OLFM3: variants seen among roughly 807,000 people sequenced by gnomAD.
The protein encoded by OLFM3 is olfactomedin 3.
OLFM3 carries 20 observed loss-of-function variants against 48.6 expected under a neutral mutation model. The observed-to-expected ratio is 0.41, with a 90% CI of 0.29 to 0.60. The LOEUF (loss-of-function observed/expected upper bound fraction) is 0.60, where lower values mean the gene tolerates loss of function less well. OLFM3 is among the 20% of genes least tolerant of loss of function. The pLI is 0.28. For synonymous variants in OLFM3, 222 were observed against 198.1 expected, an observed-to-expected ratio of 1.12 and a Z score of -1.01; for missense variants, 437 against 544.3, an observed-to-expected ratio of 0.80 and a Z score of 1.96.
chr1:101,901,456 G>A (rs527770243), intron 1 of OLFM3, among the ~76,000 whole-genome samples: 136 of 152,158 alleles, frequency 8.9e-4, no homozygotes, highest in Admixed American at 2.1e-3. Context: ...ATTTAGAGCT[G>A]GAACGGTGAT....
At chr1:101,966,444 A>AT (rs1660612308) in intron 1 of OLFM3, among the ~76,000 whole-genome samples, 1 of 152,062 alleles carries the variant, frequency 6.6e-6, no homozygotes, top group Non-Finnish European at 1.5e-5. Context: ...AAGGGCTGGG[A>AT]TTACAGGCGT....
intron 1 of OLFM3, among the ~76,000 whole-genome samples, chr1:101,875,638 T>C (rs1464942736): frequency 6.8e-6 from 1 of 147,038 alleles, no homozygotes; most frequent in Non-Finnish European, 1.5e-5. Flanking sequence ...AGTGGTTATC[T>C]ACAGTCCCTA....
At chr1:101,959,576 AT>A (rs751121367) in intron 1 of OLFM3, among the ~76,000 whole-genome samples, 3 of 152,162 alleles carry the variant, frequency 2.0e-5, no homozygotes, top group Non-Finnish European at 4.4e-5. Context: ...AATGCAGAAA[AT>A]TAGTCTTAGA....
intron 1 of OLFM3, among the ~76,000 whole-genome samples, chr1:101,958,206 T>A (rs1660356163): frequency 6.6e-6 from 1 of 152,134 alleles, no homozygotes; most frequent in East Asian, 1.9e-4. Context: ...TTGAATTACA[T>A]ATTAATTGTG....
At chr1:101,904,631 A>C (rs1318286873) in intron 1 of OLFM3, among the ~76,000 whole-genome samples, 1 of 152,108 alleles carries the variant, frequency 6.6e-6, no homozygotes, top group Non-Finnish European at 1.5e-5. Context: ...TGTGAACAGA[A>C]TTGCAAAAAG....
chr1:101,995,469 C>A (rs1323300171), intron 1 of OLFM3, among the ~76,000 whole-genome samples: 1 of 151,880 alleles, frequency 6.6e-6, no homozygotes, highest in African/African-American at 2.4e-5. Context: ...CAGAGTGAAG[C>A]GTTTACATCA....
At chr1:101,880,056 T>C (rs563191083) in intron 1 of OLFM3, among the ~76,000 whole-genome samples, 1 of 152,052 alleles carries the variant, frequency 6.6e-6, no homozygotes, top group East Asian at 1.9e-4. Context: ...TTAATAATTA[T>C]GTCTAGACAT....
intron 1 of OLFM3, among the ~76,000 whole-genome samples, chr1:101,976,219 C>T (rs1334044329): frequency 3.9e-5 from 6 of 152,136 alleles, no homozygotes; most frequent in African/African-American, 9.7e-5. Flanking sequence ...GACTGAGCTT[C>T]GCTCTGTCTG....
At chr1:101,853,099 C>T (rs1010504074) in intron 1 of OLFM3, among the ~76,000 whole-genome samples, 2 of 152,044 alleles carry the variant, frequency 1.3e-5, no homozygotes, top group African/African-American at 4.8e-5. Flanking sequence ...CCATCTTTCT[C>T]ATGGTGAAGG....
At chr1:101,924,915 A>C (rs1391361085) in intron 1 of OLFM3, among the ~76,000 whole-genome samples, 1 of 152,206 alleles carries the variant, frequency 6.6e-6, no homozygotes, top group African/African-American at 2.4e-5. Context: ...AGAATGTTGA[A>C]GGCAATTTGT....
rs71592233 is a variant in OLFM3, at chr1:101,967,590, G to GAAAAAAAAAAAAAAAAAAAAAAAA, written c.69+29134_69+29157dup. ...CCTTTTTACTTCCATCCTAGTCAGT[G>GAAAAAAAAAAAAAAAAAAAAAAAA]AAAAAAAAAAAAAAAAAAAAAAAAG... On this transcript the variant is annotated intron_variant, in intron 1 of 5. Coordinates refer to ENST00000370103, the MANE Select transcript of OLFM3 (RefSeq NM_058170.4). Among the ~76,000 whole-genome samples the GAAAAAAAAAAAAAAAAAAAAAAAA allele has an allele frequency of 4.0e-4, 18 of 44,582 alleles. 2 individuals carry two copies. Among genetic ancestry groups the GAAAAAAAAAAAAAAAAAAAAAAAA allele is most frequent in the African/African-American group, 7.6e-4 (7 of 9,242 alleles). The allele number at this position is 44,582 out of a possible 152,430, so 29.2% of individuals were successfully genotyped here.
intron 1 of OLFM3, among the ~76,000 whole-genome samples, chr1:101,909,707 T>C (rs1025175313): frequency 6.6e-6 from 1 of 152,236 alleles, no homozygotes; most frequent in Non-Finnish European, 1.5e-5. Context: ...GTCATATGTC[T>C]CAATTATATT....
chr1:101,826,129 AAC>A (rs66617960), intron 3 of OLFM3, among the ~76,000 whole-genome samples: 39,551 of 132,570 alleles, frequency 0.3, 5,925 homozygotes, highest in Middle Eastern at 0.37. Flanking sequence ...ACTTTCGTCA[AAC>A]ACACACACAC....
chr1:101,826,781 G>A (rs1004718129), intron 3 of OLFM3, among the ~76,000 whole-genome samples: 6 of 152,074 alleles, frequency 3.9e-5, no homozygotes, highest in Non-Finnish European at 8.8e-5. Context: ...TATCCCTAAA[G>A]GAATACACAA....
chr1:101,969,965 C>T (rs191803523), intron 1 of OLFM3, among the ~76,000 whole-genome samples: 1 of 152,190 alleles, frequency 6.6e-6, no homozygotes, highest in Non-Finnish European at 1.5e-5. Flanking sequence ...ACAGGAGTTT[C>T]CCCTAGGTCC....
At chr1:101,954,660 T>G (rs937467363) in intron 1 of OLFM3, among the ~76,000 whole-genome samples, 2 of 152,098 alleles carry the variant, frequency 1.3e-5, no homozygotes, top group African/African-American at 4.8e-5. Context: ...TAAAGTAAAT[T>G]AAAAGGCAAA....
Position 101,806,005 on chromosome 1 carries a change from G to C in OLFM3, c.699+71C>G, listed in dbSNP as rs116607668. 1.3e-3 allele frequency: 1,452 copies of C among 1,097,348 alleles called. 19 individuals are homozygous for C. The African/African-American group carries it at 0.02, about 15-fold the overall frequency. The allele number at this position is 1,097,348 out of a possible 1,614,324, so 68.0% of individuals were successfully genotyped here. A position where few individuals can be genotyped will look rare whatever the true frequency, so the allele number is the denominator to read the frequency against. ...ACAAACAAATATCCCTGAAGAAAAT[G>C]AATAGTCCAGAAGAGAAAAAGTGTA... On this transcript the variant is annotated intron_variant, in intron 5 of 5. Transcript: ENST00000370103.
At chr1:101,950,097 T>C (rs187244745) in intron 1 of OLFM3, among the ~76,000 whole-genome samples, 25 of 151,890 alleles carry the variant, frequency 1.6e-4, no homozygotes, top group African/African-American at 5.3e-4. Context: ...CAATCTAAAA[T>C]TTACTTACCA....
intron 1 of OLFM3, among the ~76,000 whole-genome samples, chr1:101,954,835 G>C (rs897804790): frequency 6.6e-6 from 1 of 152,052 alleles, no homozygotes; most frequent in Admixed American, 6.6e-5. Flanking sequence ...AGTGATGTTA[G>C]ATAGCTAAGT....
Sources: allele counts gnomAD v4.1 joint callset (sites outside exome capture counted in the v4.1 genomes callset), GRCh38; gene constraint gnomAD v4.1.1; transcripts MANE v1.5; gene names NCBI Gene and HGNC (gene_info 2026-07-23, HGNC 2026-07-21).